Variants in TRIM13 observed in about 807,000 individuals in gnomAD.
TRIM13 encodes the protein E3 ubiquitin-protein ligase TRIM13.
Under a neutral mutation model 27.1 loss-of-function variants are expected in TRIM13, and 15 were observed. The observed-to-expected ratio is 0.55, with a 90% CI of 0.37 to 0.85. The LOEUF (loss-of-function observed/expected upper bound fraction) is 0.85. TRIM13 is among the 40% of genes least tolerant of loss of function. The pLI, the probability that TRIM13 is intolerant of heterozygous loss-of-function variation, is 0.00. For synonymous variants in TRIM13, 193 were observed against 171.5 expected (o/e 1.13, Z -0.98); for missense variants, 402 against 472.2 (o/e 0.85, Z 1.38).
rs1213943810 is a variant in TRIM13 at position 50,015,092 on chromosome 13, A to ATTAT, written c.*1928_*1929insTTAT. On this transcript the variant is annotated 3_prime_UTR_variant, in exon 2 of 2. Coordinates refer to ENST00000378182, the MANE Select transcript of TRIM13 (RefSeq NM_213590.3). ...CCCAGTAATAAAAAAAAAAAAAAAA[A>ATTAT]AAATATATATATATATATATATATA... The ATTAT allele has an allele frequency of 4.3e-5, 1 of 23,416 alleles. No homozygotes were observed. Among genetic ancestry groups the ATTAT allele is most frequent in the Non-Finnish European group, 9.3e-5 (1 of 10,716 alleles). The allele number at this position is 23,416 out of a possible 1,614,324, so 1.5% of individuals were successfully genotyped here. A position where few individuals can be genotyped will look rare whatever the true frequency, so the allele number is the denominator to read the frequency against.
chr13:49,999,174 C>T (rs1403024663), intron 1 of TRIM13, among the ~76,000 whole-genome samples: 2 of 151,786 alleles, frequency 1.3e-5, no homozygotes, highest in African/African-American at 2.4e-5. Flanking sequence ...GGTAAAACCA[C>T]GGGTGCAGGT....
Position 50,015,688 on chromosome 13 carries a change from G to A in TRIM13, c.*2524G>A. ...TGTTTAGTTTCATCTTAGATTTTTTGAGAACTCACCAGCTTTTATTACCCA... is the reference window on the plus strand; with the variant it reads ...TGTTTAGTTTCATCTTAGATTTTTTAAGAACTCACCAGCTTTTATTACCCA... On this transcript the variant is annotated 3_prime_UTR_variant, in exon 2 of 2. Coordinates refer to ENST00000378182, the MANE Select transcript of TRIM13 (RefSeq NM_213590.3). The A allele has an allele frequency of 6.2e-7, 1 of 1,614,030 alleles. No individual in the cohort carries two copies. Among genetic ancestry groups the A allele is most frequent in the South Asian group, 1.1e-5 (1 of 91,080 alleles).
At chr13:50,011,285 T>C (rs1020189456) in intron 1 of TRIM13, among the ~76,000 whole-genome samples, 8 of 152,178 alleles carry the variant, frequency 5.3e-5, no homozygotes, top group Admixed American at 1.3e-4. Context: ...ATTGTGAAAA[T>C]TGATGATTCT....
chr13:50,010,946 A>G (rs763102018), intron 1 of TRIM13, among the ~76,000 whole-genome samples: 7 of 152,182 alleles, frequency 4.6e-5, no homozygotes, highest in Admixed American at 3.3e-4. Flanking sequence ...CGTACTGCCT[A>G]TTTTGTCACG....
intron 1 of TRIM13, among the ~76,000 whole-genome samples, chr13:50,010,079 C>T (rs1334038119): frequency 1.6e-5 from 2 of 123,524 alleles, no homozygotes; most frequent in Non-Finnish European, 3.2e-5. Flanking sequence ...GGCAAGGTCT[C>T]TCTCTGTTGC....
chr13:50,015,990 T>A lies in TRIM13; in HGVS notation c.*2826T>A. On this transcript the variant is annotated 3_prime_UTR_variant, in exon 2 of 2. Transcript: ENST00000378182. ...CCTCCTCAGATGACCTTACTTCCAC[T>A]GCCTCCACAAAGACCTTCTTACCAT... 1 of 1,614,108 alleles carries A rather than the reference T, an allele frequency of 6.2e-7. No individual in the cohort carries two copies. The highest frequency in any genetic ancestry group is 8.5e-7 in the Non-Finnish European group (1 of 1,179,954).
chr13:49,999,178 T>C (rs1873690287), intron 1 of TRIM13, among the ~76,000 whole-genome samples: 2 of 151,934 alleles, frequency 1.3e-5, no homozygotes, highest in South Asian at 4.2e-4. Context: ...AAACCACGGG[T>C]GCAGGTGTCA....
At position 50,015,423 on chromosome 13, in the gene TRIM13, C is replaced by A; in HGVS notation, c.*2259C>A. On this transcript the variant is annotated 3_prime_UTR_variant, in exon 2 of 2. Transcript: ENST00000378182. ...CCACTGCATAATCATGTATAACTAG[C>A]AACATTTATGGTTATAGGTTGATTT... 8.9e-7 allele frequency: 1 copy of A among 1,123,296 alleles called. No individual in the cohort carries two copies. Among genetic ancestry groups the A allele is most frequent in the Non-Finnish European group, 1.3e-6 (1 of 771,908 alleles). The allele number at this position is 1,123,296 out of a possible 1,614,324, so 69.6% of individuals were successfully genotyped here. A position where few individuals can be genotyped will look rare whatever the true frequency, so the allele number is the denominator to read the frequency against.
chr13:50,002,354 A>T (rs1240000618), intron 1 of TRIM13, among the ~76,000 whole-genome samples: 1 of 150,866 alleles, frequency 6.6e-6, no homozygotes, highest in Non-Finnish European at 1.5e-5. Flanking sequence ...GCACCATTGC[A>T]CTCCAGCCTG....
Position 50,015,440 on chromosome 13 carries a change from G to T in TRIM13, c.*2276G>T, listed in dbSNP as rs1349617182. 2 of 1,290,530 alleles carry T rather than the reference G, an allele frequency of 1.5e-6. No homozygotes were observed. The highest frequency in any genetic ancestry group is 2.0e-5 in the Admixed American group (1 of 49,616). The allele number at this position is 1,290,530 out of a possible 1,614,324, so 79.9% of individuals were successfully genotyped here. A position where few individuals can be genotyped will look rare whatever the true frequency, so the allele number is the denominator to read the frequency against. ...ATAACTAGCAACATTTATGGTTATA[G>T]GTTGATTTCCTAAGTGTGGCTGATG... On this transcript the variant is annotated 3_prime_UTR_variant, in exon 2 of 2. Transcript: ENST00000378182.
At chr13:50,002,415 C>T (rs566072156) in intron 1 of TRIM13, among the ~76,000 whole-genome samples, 1 of 152,070 alleles carries the variant, frequency 6.6e-6, no homozygotes, top group South Asian at 2.1e-4. Context: ...ACAAACCATA[C>T]TACAGCAGAT....
At chr13:50,008,498 CGTG>C (rs1401177685) in intron 1 of TRIM13, among the ~76,000 whole-genome samples, 1 of 151,008 alleles carries the variant, frequency 6.6e-6, no homozygotes, top group Non-Finnish European at 1.5e-5. Flanking sequence ...AGTAGCCAGG[CGTG>C]GTGGTGCATG....
rs112759649 is a variant in TRIM13 at position 50,007,182 on chromosome 13, C to CA, written c.-6-4740dup. ...TGGGTGACGAAGTGAGACTCTGTCT[C>CA]AAAAAAAAAAAAACCCAAAAAAATA... is the stretch of plus-strand genomic sequence containing the variant. On this transcript the variant is annotated intron_variant, in intron 1 of 1. Coordinates refer to ENST00000378182, the MANE Select transcript of TRIM13 (RefSeq NM_213590.3). 5.3e-3 allele frequency among the ~76,000 whole-genome samples: 640 copies of CA among 120,976 alleles called. 6 individuals are homozygous for CA. Among genetic ancestry groups the CA allele is most frequent in the East Asian group, 0.025 (97 of 3,864 alleles). The allele number at this position is 120,976 out of a possible 152,430, so 79.4% of individuals were successfully genotyped here.
intron 1 of TRIM13, among the ~76,000 whole-genome samples, chr13:50,006,386 G>GTA (rs756178409): frequency 3.3e-5 from 5 of 151,904 alleles, no homozygotes; most frequent in African/African-American, 4.8e-5. Flanking sequence ...CAATCACTTG[G>GTA]TATATTCTTT....
rs1371558801 is a variant in TRIM13, at chr13:50,014,485, G to A, written c.*1321G>A. The A allele has an allele frequency of 1.2e-5, 2 of 165,844 alleles. No homozygotes were observed. The highest frequency in any genetic ancestry group is 2.1e-4 in the South Asian group (1 of 4,772). 10.3% of individuals were successfully genotyped at this position (165,844 alleles called of 1,614,324 possible). ...CTGGCAGCTATGTGTTGTTTTGTTCGAAAGATGGCAAGTGTACAACCAAAC... is the reference window on the plus strand; with the variant it reads ...CTGGCAGCTATGTGTTGTTTTGTTCAAAAGATGGCAAGTGTACAACCAAAC... On this transcript the variant is annotated 3_prime_UTR_variant, in exon 2 of 2. Transcript: ENST00000378182.
At position 50,006,067 on chromosome 13, in the gene TRIM13, C is replaced by A. The variant is rs1050934364; in HGVS notation, c.-6-5868C>A. On this transcript the variant is annotated intron_variant, in intron 1 of 1. Transcript: ENST00000378182. ...AAAATAAGAATCTTTAAATTATCAA[C>A]CAAAATTTGTAAGTTAAGTCACTAA... Among the ~76,000 whole-genome samples the A allele has an allele frequency of 2.0e-5, 3 of 151,950 alleles. No homozygotes were observed. In the South Asian group the frequency reaches 6.2e-4, roughly 32 times the overall value.
At position 50,013,382 on chromosome 13, in the gene TRIM13, A is replaced by AT. The variant is rs1300189601; in HGVS notation, c.*219dup. 4.8e-6 allele frequency: 2 copies of AT among 414,346 alleles called. No individual in the cohort carries two copies. The highest frequency in any genetic ancestry group is 8.8e-6 in the Non-Finnish European group (2 of 227,368). 25.7% of individuals were successfully genotyped at this position (414,346 alleles called of 1,614,324 possible). A position where few individuals can be genotyped will look rare whatever the true frequency, so the allele number is the denominator to read the frequency against. ...TTTTGTTTAAAAGAGTGCTTTTGAA[A>AT]TAAGCATCCACCCCAAATGTTGGTT... On this transcript the variant is annotated 3_prime_UTR_variant, in exon 2 of 2. Coordinates refer to ENST00000378182, the MANE Select transcript of TRIM13 (RefSeq NM_213590.3).
At chr13:50,002,761 C>T (rs574832301) in intron 1 of TRIM13, among the ~76,000 whole-genome samples, 1 of 151,866 alleles carries the variant, frequency 6.6e-6, no homozygotes, top group African/African-American at 2.4e-5. Flanking sequence ...CGCCTGGGTT[C>T]AAGTGATTTT....
At chr13:50,008,063 C>T (rs560066882) in intron 1 of TRIM13, among the ~76,000 whole-genome samples, 4 of 151,950 alleles carry the variant, frequency 2.6e-5, no homozygotes, top group Admixed American at 2.6e-4. Flanking sequence ...TGCCACCACG[C>T]CCAGCTAATT....
Sources: gnomAD v4.1 joint callset for allele counts (sites outside exome capture counted in the v4.1 genomes callset) on GRCh38, gnomAD v4.1.1 for gene constraint, MANE v1.5 for transcripts, NCBI Gene and HGNC (gene_info 2026-07-23, HGNC 2026-07-21) for gene names.